The following NUDT5 variants were observed in gnomAD, a reference collection of about 807,000 sequenced individuals.
The protein encoded by NUDT5 is ADP-sugar pyrophosphatase.
A neutral mutation model predicts 34.1 loss-of-function variants in NUDT5; 21 were observed. The observed-to-expected ratio is 0.62, with a 90% CI of 0.44 to 0.89. The LOEUF (loss-of-function observed/expected upper bound fraction) is 0.89. NUDT5 is among the 40% of genes least tolerant of loss of function. The pLI, the probability that NUDT5 is intolerant of heterozygous loss-of-function variation, is 0.00. For missense variants in NUDT5, 249 were observed against 274.8 expected (o/e 0.91, Z 0.66); for synonymous variants, 85 against 97.6 (o/e 0.87, Z 0.76).
chr10:12,180,717 G>C (rs1470504610), intron 3 of NUDT5, among the ~76,000 whole-genome samples: 1 of 152,200 alleles, frequency 6.6e-6, no homozygotes, highest in Non-Finnish European at 1.5e-5. Flanking sequence ...TAAGCCCAGA[G>C]CTCCAGCCTC....
rs1337681578 is a variant in NUDT5, at chr10:12,171,420, G to A, written c.488-512C>T. Among the ~76,000 whole-genome samples the A allele has an allele frequency of 5.3e-5, 8 of 152,120 alleles. No homozygotes were observed. Among genetic ancestry groups the A allele is most frequent in the African/African-American group, 1.2e-4 (5 of 41,426 alleles). ...CAGAGTATTTGCCCATCATGTTATC[G>A]CATGTTTCAGCGTGTATGTGTGTTT... On this transcript the variant is annotated intron_variant, in intron 7 of 9. Coordinates refer to ENST00000491614, the MANE Select transcript of NUDT5 (RefSeq NM_014142.4). This position sits in a 1 kb window ranked among gnomAD's most constrained non-coding sequence, Gnocchi z 4.2.
At position 12,181,730 on chromosome 10, in the gene NUDT5, G is replaced by A. The variant is rs1835044758; in HGVS notation, c.132-2598C>T. 6.6e-6 allele frequency among the ~76,000 whole-genome samples: 1 copy of A among 152,126 alleles called. No homozygotes were observed. Among genetic ancestry groups the A allele is most frequent in the African/African-American group, 2.4e-5 (1 of 41,406 alleles). The stretch of plus-strand genomic sequence containing the variant: ...GTGGTGGCTCACGCCTGAAACCCCA[G>A]CACTTTGGGAGGCCAAGGTAGGAGG... On this transcript the variant is annotated intron_variant, in intron 3 of 9. Transcript: ENST00000491614. This position sits in a 1 kb window ranked among gnomAD's most constrained non-coding sequence, Gnocchi z 5.0.
chr10:12,168,003 G>A lies in NUDT5; in HGVS notation c.551-192C>T. The A allele has an allele frequency of 9.2e-7, 1 of 1,084,710 alleles. No individual in the cohort carries two copies. The highest frequency in any genetic ancestry group is 1.9e-5 in the South Asian group (1 of 51,474). The allele number at this position is 1,084,710 out of a possible 1,614,324, so 67.2% of individuals were successfully genotyped here. ...AAAGGCAAGATTACATTCCTAGCAT[G>A]AGACAAGAACATCAGGGATAATGAT... On this transcript the variant is annotated intron_variant, in intron 9 of 9. Transcript: ENST00000491614. The surrounding 1 kb of genome is among the most constrained non-coding windows in gnomAD (Gnocchi z 4.8).
intron 1 of NUDT5, among the ~76,000 whole-genome samples, chr10:12,192,134 G>T (rs1263993282): frequency 6.6e-6 from 1 of 152,094 alleles, no homozygotes; most frequent in Non-Finnish European, 1.5e-5. Context: ...AGAGGGTCAG[G>T]CACTTGGAAC....
chr10:12,168,170 G>T lies in NUDT5; in HGVS notation c.551-359C>A, dbSNP rs558644989. 6.6e-5 allele frequency among the ~76,000 whole-genome samples: 10 copies of T among 152,008 alleles called. No individual in the cohort carries two copies. The highest frequency in any genetic ancestry group is 2.4e-4 in the African/African-American group (10 of 41,470). On this transcript the variant is annotated intron_variant, in intron 9 of 9. Coordinates refer to ENST00000491614, the MANE Select transcript of NUDT5 (RefSeq NM_014142.4). The surrounding 1 kb of genome is among the most constrained non-coding windows in gnomAD (Gnocchi z 4.8). ...CTCCCCAGTAGCTGGGACTATAGGC[G>T]CACGCCACCACGCCCAGCTAATTTT...
At chr10:12,180,557 C>T (rs3780865) in intron 3 of NUDT5, 54,342 of 152,018 alleles carry the variant, frequency 0.36, 9,927 homozygotes, top group Admixed American at 0.4. Flanking sequence ...CAAGCAGTAA[C>T]GAGCCATAAA....
chr10:12,171,634 A>G lies in NUDT5; in HGVS notation c.488-726T>C, dbSNP rs1363002554. 6.6e-6 allele frequency among the ~76,000 whole-genome samples: 1 copy of G among 152,130 alleles called. No homozygotes were observed. The highest frequency in any genetic ancestry group is 1.5e-5 in the Non-Finnish European group (1 of 68,016). On this transcript the variant is annotated intron_variant, in intron 7 of 9. Coordinates refer to ENST00000491614, the MANE Select transcript of NUDT5 (RefSeq NM_014142.4). This position sits in a 1 kb window ranked among gnomAD's most constrained non-coding sequence, Gnocchi z 4.2. ...TATCTAATATGCTGAGGAACTGCCA[A>G]ACTTTTCCACAGTGTCTCATATGTA...
chr10:12,168,392 T>A lies in NUDT5; in HGVS notation c.551-581A>T, dbSNP rs1197800179. ...AGAGCCAATCGCTATACCTCATTTA[T>A]AGCTGGGGTAGGGCTTTGCTTTTCT... On this transcript the variant is annotated intron_variant, in intron 9 of 9. Transcript: ENST00000491614. This position sits in a 1 kb window ranked among gnomAD's most constrained non-coding sequence, Gnocchi z 4.8. Among the ~76,000 whole-genome samples, 1 of 152,206 alleles carries A rather than the reference T, an allele frequency of 6.6e-6. No homozygotes were observed. The highest frequency in any genetic ancestry group is 2.4e-5 in the African/African-American group (1 of 41,448).
At chr10:12,174,652 A>C (rs901953504) in intron 5 of NUDT5, among the ~76,000 whole-genome samples, 6 of 152,228 alleles carry the variant, frequency 3.9e-5, no homozygotes, top group African/African-American at 1.2e-4. Flanking sequence ...GGCATCATCC[A>C]GTCGTCCTAT....
chr10:12,177,315 C>T (rs182915618), intron 5 of NUDT5, among the ~76,000 whole-genome samples: 2 of 151,942 alleles, frequency 1.3e-5, no homozygotes, highest in African/African-American at 2.4e-5. Context: ...GTCAGGAGAT[C>T]GAGACCATCC....
In NUDT5 at chr10:12,180,583, CAG is replaced by C. The variant is rs1835026476; in HGVS notation, c.132-1453_132-1452del. ...GAGCCATAAATCACCAGCAATAAAA[CAG>C]AAACGCATTGATAAGAAATCTCGGA... On this transcript the variant is annotated intron_variant, in intron 3 of 9. Transcript: ENST00000491614. The C allele has an allele frequency of 2.6e-5, 4 of 152,350 alleles. No homozygotes were observed. The South Asian group carries it at 8.3e-4, about 32-fold the overall frequency. The allele number at this position is 152,350 out of a possible 1,614,324, so 9.4% of individuals were successfully genotyped here. A position where few individuals can be genotyped will look rare whatever the true frequency, so the allele number is the denominator to read the frequency against.
chr10:12,178,713 A>G (rs913675298), intron 4 of NUDT5, among the ~76,000 whole-genome samples: 1 of 152,222 alleles, frequency 6.6e-6, no homozygotes, highest in African/African-American at 2.4e-5. Flanking sequence ...AGTGGTCCAT[A>G]AGCATGAAGG....
rs1305676769 is a variant in NUDT5, at chr10:12,170,365, G to A, written c.550+352C>T. ...CCATCCCTCATACTAGCATACTTGA[G>A]GAAAAGCTAACAGCTTATCTACCCA... On this transcript the variant is annotated intron_variant, in intron 9 of 9. Transcript: ENST00000491614. The surrounding 1 kb of genome is among the most constrained non-coding windows in gnomAD (Gnocchi z 4.9). 1 of 673,792 alleles carries A rather than the reference G, an allele frequency of 1.5e-6. No homozygotes were observed. The highest frequency in any genetic ancestry group is 2.5e-6 in the Non-Finnish European group (1 of 396,134). 41.7% of individuals were successfully genotyped at this position (673,792 alleles called of 1,614,324 possible). A position where few individuals can be genotyped will look rare whatever the true frequency, so the allele number is the denominator to read the frequency against.
In NUDT5 at chr10:12,170,350, T is replaced by C. The variant is rs992435607; in HGVS notation, c.550+367A>G. 1.3e-5 allele frequency: 9 copies of C among 707,412 alleles called. No homozygotes were observed. Among genetic ancestry groups the C allele is most frequent in the Non-Finnish European group, 2.1e-5 (9 of 421,058 alleles). The allele number at this position is 707,412 out of a possible 1,614,324, so 43.8% of individuals were successfully genotyped here. On this transcript the variant is annotated intron_variant, in intron 9 of 9. Coordinates refer to ENST00000491614, the MANE Select transcript of NUDT5 (RefSeq NM_014142.4). The surrounding 1 kb of genome is among the most constrained non-coding windows in gnomAD (Gnocchi z 4.9). ...AGCCTCCACAAAGGACCATCCCTCATACTAGCATACTTGAGGAAAAGCTAA... is the reference window on the plus strand; with the variant it reads ...AGCCTCCACAAAGGACCATCCCTCACACTAGCATACTTGAGGAAAAGCTAA...
rs869148476 is a variant in NUDT5, at chr10:12,171,735, A to ATTTT, written c.488-831_488-828dup. ...TATTTATTTATTTATTTATTTATTT[A>ATTTT]TTTTTTGGAGACAGGGTCTCAGTCT... On this transcript the variant is annotated intron_variant, in intron 7 of 9. Transcript: ENST00000491614. This position sits in a 1 kb window ranked among gnomAD's most constrained non-coding sequence, Gnocchi z 4.2. Among the ~76,000 whole-genome samples, 1 of 118,834 alleles carries ATTTT rather than the reference A, an allele frequency of 8.4e-6. No homozygotes were observed. The highest frequency in any genetic ancestry group is 3.0e-5 in the African/African-American group (1 of 33,250). 78.0% of individuals were successfully genotyped at this position (118,834 alleles called of 152,430 possible). A position where few individuals can be genotyped will look rare whatever the true frequency, so the allele number is the denominator to read the frequency against.
intron 1 of NUDT5, among the ~76,000 whole-genome samples, chr10:12,189,368 A>G (rs1348202363): frequency 6.6e-6 from 1 of 152,158 alleles, no homozygotes; most frequent in Non-Finnish European, 1.5e-5. Flanking sequence ...AGCCTCCCAA[A>G]GTGCTGGGAT....
chr10:12,182,134 A>T lies in NUDT5; in HGVS notation c.131+2755T>A, dbSNP rs577581024. Among the ~76,000 whole-genome samples the T allele has an allele frequency of 1.1e-4, 11 of 99,608 alleles. No individual in the cohort carries two copies. Among genetic ancestry groups the T allele is most frequent in the Non-Finnish European group, 1.6e-4 (7 of 43,994 alleles). 65.3% of individuals were successfully genotyped at this position (99,608 alleles called of 152,430 possible). ...ACAGAACAAGACTCTGTCTCAGGGT[A>T]AAAAAAAAAAAAAAGAAGGATATAG... On this transcript the variant is annotated intron_variant, in intron 3 of 9. Coordinates refer to ENST00000491614, the MANE Select transcript of NUDT5 (RefSeq NM_014142.4). This position sits in a 1 kb window ranked among gnomAD's most constrained non-coding sequence, Gnocchi z 4.3.
At position 12,170,587 on chromosome 10, in the gene NUDT5, C is replaced by T. The variant is rs1009401379; in HGVS notation, c.550+130G>A. On this transcript the variant is annotated intron_variant, in intron 9 of 9. Transcript: ENST00000491614. The surrounding 1 kb of genome is among the most constrained non-coding windows in gnomAD (Gnocchi z 4.9). Reference sequence around the variant, plus strand: ...TTAGTAGTGGTCACCTGCAGTTTTACAAGTTGCTAGGCATTTGACTTTAGT... The same window carrying T: ...TTAGTAGTGGTCACCTGCAGTTTTATAAGTTGCTAGGCATTTGACTTTAGT... 9 of 896,582 alleles carry T rather than the reference C, an allele frequency of 1.0e-5. No homozygotes were observed. The African/African-American group carries it at 1.3e-4, about 13-fold the overall frequency. 55.5% of individuals were successfully genotyped at this position (896,582 alleles called of 1,614,324 possible).
intron 2 of NUDT5, among the ~76,000 whole-genome samples, chr10:12,185,444 C>T (rs2131713274): frequency 6.6e-6 from 1 of 152,340 alleles, no homozygotes; most frequent in South Asian, 2.1e-4. Context: ...ATTGGATCTC[C>T]TATCATGACA....
Sources: gnomAD v4.1 joint callset for allele counts (sites outside exome capture counted in the v4.1 genomes callset) on GRCh38, gnomAD v4.1.1 for gene constraint, Gnocchi (gnomAD v3.1) non-coding constraint, MANE v1.5 for transcripts, NCBI Gene and HGNC (gene_info 2026-07-23, HGNC 2026-07-21) for gene names.